CRISP2: variants seen among roughly 807,000 people sequenced by gnomAD.
CRISP2 encodes cysteine rich secretory protein 2, also known as cysteine-rich secretory protein 2.
Under a neutral mutation model 31.7 loss-of-function variants are expected in CRISP2, and 29 were observed. That is an observed-to-expected ratio of 0.92 (90% CI 0.68 to 1.25). The LOEUF (loss-of-function observed/expected upper bound fraction) is 1.25, where lower values mean the gene tolerates loss of function less well. Ranked by LOEUF, CRISP2 falls within the 50% of genes most tolerant of loss-of-function variation. CRISP2 has a pLI of 0.00. For synonymous variants in CRISP2, 111 were observed against 101.4 expected, an observed-to-expected ratio of 1.09 and a Z score of -0.57; for missense variants, 318 against 286.5, an observed-to-expected ratio of 1.11 and a Z score of -0.79.
At chr6:49,696,568 G>GTT (rs1764787248) in intron 8 of CRISP2, among the ~76,000 whole-genome samples, 1 of 138,718 alleles carries the variant, frequency 7.2e-6, no homozygotes, top group Non-Finnish European at 1.5e-5. Flanking sequence ...ATTAGTTTTT[G>GTT]TTATCCCAGA....
the CRISP2 span, among the ~76,000 whole-genome samples, chr6:49,678,577 G>A: frequency 8.5e-5 from 13 of 152,076 alleles, no homozygotes; most frequent in East Asian, 1.5e-3. Context: ...CTGTTTCTCC[G>A]GTGGGATTGG....
chr6:49,712,455 T>C (rs1172609289), intron 2 of CRISP2, 46 bp downstream of exon 2: 2 of 151,058 alleles, frequency 1.3e-5, no homozygotes, highest in Non-Finnish European at 2.9e-5. Flanking sequence ...CCCATATTGA[T>C]ATATAGTTGA....
the CRISP2 span, among the ~76,000 whole-genome samples, chr6:49,682,055 G>A: frequency 6.6e-5 from 10 of 152,058 alleles, no homozygotes; most frequent in Admixed American, 1.3e-4. Flanking sequence ...ATCCATCTCC[G>A]TGAAATAAAG....
intron 6 of CRISP2, 38 bp from the exon 7 acceptor site, chr6:49,698,545 T>G (rs759459985): frequency 6.4e-7 from 1 of 1,567,136 alleles, no homozygotes; most frequent in Non-Finnish European, 8.6e-7. Context: ...GTAATAAACA[T>G]GCAATGGTAA....
chr6:49,692,993 A>G, intron 9 of CRISP2, 93 bp from the exon 10 acceptor site: 1 of 1,348,696 alleles, frequency 7.4e-7, no homozygotes. Flanking sequence ...GGTAGGAGGG[A>G]ACAAACAAGT....
chr6:49,687,620 G>A (rs1248394978), downstream of CRISP2, among the ~76,000 whole-genome samples: 1 of 152,180 alleles, frequency 6.6e-6, no homozygotes, highest in Non-Finnish European at 1.5e-5. Flanking sequence ...GATTACTGGG[G>A]AAAATTCATA....
At chr6:49,701,610 GTATA>G (rs3056357) in intron 4 of CRISP2, among the ~76,000 whole-genome samples, 1 of 57,486 alleles carries the variant, frequency 1.7e-5, no homozygotes, top group Non-Finnish European at 3.0e-5. Flanking sequence ...CACACACACG[GTATA>G]TATATATACA....
intron 8 of CRISP2, 45 bp downstream of exon 8, chr6:49,697,815 T>A: frequency 1.2e-6 from 2 of 1,605,420 alleles, no homozygotes; most frequent in Non-Finnish European, 1.7e-6. Flanking sequence ...AAAAAATAAA[T>A]TGCAGATAGA....
rs376090961 is a variant in CRISP2, at chr6:49,700,686, G to A, written c.165C>T (p.Ala55=). Residue 55 remains alanine (A), a synonymous_variant, in exon 5 of 10, where the codon GCC becomes GCT. Transcript: ENST00000339139. ...NELRKAVSPP[A]SNMLKMEWSR... is the part of the protein sequence containing the mutation. ...CTCTTACCATCTTTAGCATGTTACT[G>A]GCAGGTGGAGAGACTGCTTTCCTTA... 1.2e-6 allele frequency: 2 copies of A among 1,606,990 alleles called. No individual in the cohort carries two copies. Among genetic ancestry groups the A allele is most frequent in the Non-Finnish European group, 8.5e-7 (1 of 1,174,234 alleles).
the CRISP2 span, among the ~76,000 whole-genome samples, chr6:49,683,151 TC>T: frequency 2.7e-5 from 3 of 109,970 alleles, no homozygotes; most frequent in Non-Finnish European, 3.9e-5. Flanking sequence ...TGAGTGAAAC[TC>T]CATCTCAAAA....
intron 4 of CRISP2, among the ~76,000 whole-genome samples, chr6:49,707,353 T>C (rs2127430378): frequency 6.6e-6 from 1 of 152,294 alleles, no homozygotes; most frequent in East Asian, 1.9e-4. Context: ...TAAAATGTGA[T>C]TCTGGGGTTC....
the CRISP2 span, among the ~76,000 whole-genome samples, chr6:49,686,638 G>A: frequency 6.6e-6 from 1 of 152,148 alleles, no homozygotes; most frequent in African/African-American, 2.4e-5. Flanking sequence ...TGTAGAAGTT[G>A]GTGTGGCGAT....
At chr6:49,680,309 T>C in the CRISP2 span, among the ~76,000 whole-genome samples, 1 of 152,240 alleles carries the variant, frequency 6.6e-6, no homozygotes, top group Non-Finnish European at 1.5e-5. Context: ...GCTCTATCCA[T>C]GTTCCTGCAT....
intron 4 of CRISP2, among the ~76,000 whole-genome samples, chr6:49,701,719 GTA>G (rs908150938): frequency 2.6e-4 from 15 of 57,168 alleles, no homozygotes; most frequent in South Asian, 5.7e-4. Flanking sequence ...CATATATAAT[GTA>G]TATATAATGT....
At chr6:49,681,630 A>T in the CRISP2 span, among the ~76,000 whole-genome samples, 4 of 152,206 alleles carry the variant, frequency 2.6e-5, no homozygotes, top group East Asian at 7.7e-4. Flanking sequence ...TAAAAATTAT[A>T]TTTTACTGTT....
intron 7 of CRISP2, 97 bp from the exon 8 acceptor site, chr6:49,698,054 T>G (rs2127397887): frequency 1.0e-6 from 1 of 954,132 alleles, no homozygotes; most frequent in East Asian, 2.7e-5. Context: ...AATGTTAGTT[T>G]TATAGACATA....
At chr6:49,695,197 G>C (rs1159921917) in intron 9 of CRISP2, among the ~76,000 whole-genome samples, 1 of 152,016 alleles carries the variant, frequency 6.6e-6, no homozygotes, top group Non-Finnish European at 1.5e-5. Flanking sequence ...TATTAAATGA[G>C]ATATATGGTA....
At position 49,713,537 on chromosome 6, in the gene CRISP2, G is replaced by A. The variant is rs1261488125; in HGVS notation, c.-213C>T. 2.0e-5 allele frequency: 3 copies of A among 152,242 alleles called. No individual in the cohort carries two copies. Among genetic ancestry groups the A allele is most frequent in the African/African-American group, 7.2e-5 (3 of 41,440 alleles). The allele number at this position is 152,242 out of a possible 1,614,324, so 9.4% of individuals were successfully genotyped here. ...TGGGCCGGCGCGTTGCGGCGTTGAGGAGCTGCGGCGCGCCCCTCTCACCGC... is the reference window on the plus strand; with the variant it reads ...TGGGCCGGCGCGTTGCGGCGTTGAGAAGCTGCGGCGCGCCCCTCTCACCGC... On this transcript the variant is annotated 5_prime_UTR_variant, in exon 1 of 10. Coordinates refer to ENST00000339139, the MANE Select transcript of CRISP2 (RefSeq NM_003296.4).
chr6:49,698,990 C>T (rs1765215866), intron 6 of CRISP2, among the ~76,000 whole-genome samples: 1 of 151,934 alleles, frequency 6.6e-6, no homozygotes, highest in Non-Finnish European at 1.5e-5. Context: ...AAACTGACAC[C>T]AGGAAGGATA....
Sources: allele counts gnomAD v4.1 joint callset (sites outside exome capture counted in the v4.1 genomes callset), GRCh38; gene constraint gnomAD v4.1.1; transcripts MANE v1.5; gene names NCBI Gene and HGNC (gene_info 2026-07-23, HGNC 2026-07-21).